The following NTM variants were observed in gnomAD, a reference collection of about 807,000 sequenced individuals.
The protein encoded by NTM is IgLON family member 2.
A neutral mutation model predicts 42.1 loss-of-function variants in NTM; 13 were observed. The ratio of observed to expected loss-of-function variants is 0.31; its 90% CI spans 0.20 to 0.49. The LOEUF is 0.49. Among genes scored for constraint, NTM ranks in the 20% least tolerant of loss-of-function variants. The probability of loss-of-function intolerance (pLI) is 0.99; values close to 1 mark genes in which losing one functional copy is unlikely to be tolerated. For synonymous variants in NTM, 187 were observed against 179.2 expected (o/e 1.04, Z -0.35); for missense variants, 373 against 452.8 (o/e 0.82, Z 1.60).
At chr11:131,902,444 T>C (rs749225269) in intron 1 of NTM, among the ~76,000 whole-genome samples, 7 of 152,200 alleles carry the variant, frequency 4.6e-5, no homozygotes, top group African/African-American at 1.7e-4. Flanking sequence ...CATTTACAAA[T>C]CAAACTTGGT....
intron 1 of NTM, among the ~76,000 whole-genome samples, chr11:131,794,126 G>T (rs1288948894): frequency 6.6e-6 from 1 of 152,166 alleles, no homozygotes; most frequent in Non-Finnish European, 1.5e-5. Flanking sequence ...AGGGAATGAA[G>T]GGGGCTTGGA....
At chr11:132,137,660 G>T (rs112285856) in intron 2 of NTM, among the ~76,000 whole-genome samples, 1 of 152,156 alleles carries the variant, frequency 6.6e-6, no homozygotes, top group Admixed American at 6.5e-5. Flanking sequence ...CTGGGGCCAC[G>T]AACAGGAAGG....
At chr11:131,869,022 C>T (rs867529744) in intron 1 of NTM, among the ~76,000 whole-genome samples, 4 of 152,152 alleles carry the variant, frequency 2.6e-5, no homozygotes, top group Non-Finnish European at 5.9e-5. Context: ...CTGCATTTGA[C>T]GTGGTTTATG....
At chr11:131,817,397 T>G (rs1216944459) in intron 1 of NTM, among the ~76,000 whole-genome samples, 3 of 152,306 alleles carry the variant, frequency 2.0e-5, no homozygotes, top group East Asian at 3.9e-4. Flanking sequence ...GAGTGAGAAT[T>G]TAATGGATAG....
intron 2 of NTM, among the ~76,000 whole-genome samples, chr11:131,975,328 C>T (rs973444985): frequency 6.6e-6 from 1 of 152,052 alleles, no homozygotes; most frequent in East Asian, 1.9e-4. Context: ...TACAGGTGCA[C>T]GCCACCATGC....
intron 4 of NTM, among the ~76,000 whole-genome samples, chr11:132,241,690 A>G (rs1311923084): frequency 6.6e-6 from 1 of 152,240 alleles, no homozygotes; most frequent in Non-Finnish European, 1.5e-5. Context: ...TACTAAAAAT[A>G]TCTGTGATAT....
chr11:131,635,642 A>G (rs932494023), intron 1 of NTM, among the ~76,000 whole-genome samples: 1 of 152,148 alleles, frequency 6.6e-6, no homozygotes, highest in African/African-American at 2.4e-5. Flanking sequence ...TTGAATAAAG[A>G]CTTTTTTATT....
intron 1 of NTM, among the ~76,000 whole-genome samples, chr11:131,881,792 G>T (rs1203526896): frequency 6.6e-6 from 1 of 152,166 alleles, no homozygotes; most frequent in African/African-American, 2.4e-5. Context: ...GGAGTAATGG[G>T]GGAACAGGAC....
chr11:132,258,722 T>G (rs1591580300), intron 4 of NTM, among the ~76,000 whole-genome samples: 1 of 152,334 alleles, frequency 6.6e-6, no homozygotes, highest in African/African-American at 2.4e-5. Context: ...GCCTTTTGTG[T>G]GGCCCACTAT....
chr11:132,095,935 T>C (rs2060927262), intron 2 of NTM, among the ~76,000 whole-genome samples: 2 of 152,118 alleles, frequency 1.3e-5, no homozygotes, highest in African/African-American at 4.8e-5. Flanking sequence ...CACTTTGGAG[T>C]TGATTAGTTC....
chr11:131,401,448 T>C (rs1024444103), intron 1 of NTM, among the ~76,000 whole-genome samples: 5 of 152,128 alleles, frequency 3.3e-5, no homozygotes, highest in African/African-American at 9.7e-5. Context: ...CCTGATTAAA[T>C]GGAACTGTAA....
intron 2 of NTM, among the ~76,000 whole-genome samples, chr11:131,976,656 A>G (rs1310631432): frequency 1.3e-5 from 2 of 152,198 alleles, no homozygotes; most frequent in East Asian, 3.9e-4. Context: ...AATTAATAGT[A>G]AAAATAAAAT....
chr11:131,937,715 C>T (rs7949916), intron 2 of NTM, among the ~76,000 whole-genome samples: 18 of 152,084 alleles, frequency 1.2e-4, no homozygotes, highest in Admixed American at 2.0e-4. Context: ...CTAACTCTAG[C>T]GATAAATTAT....
At chr11:131,653,521 G>A (rs2066778905) in intron 1 of NTM, among the ~76,000 whole-genome samples, 1 of 152,264 alleles carries the variant, frequency 6.6e-6, no homozygotes, top group Non-Finnish European at 1.5e-5. Context: ...CTCAGAGGGA[G>A]GGAGAAATGC....
At chr11:132,176,681 T>G (rs2076857458) in intron 3 of NTM, among the ~76,000 whole-genome samples, 1 of 151,294 alleles carries the variant, frequency 6.6e-6, no homozygotes, top group Admixed American at 6.6e-5. Context: ...TGAGGAAGGA[T>G]TTTAGCCTCT....
chr11:132,187,751 A>T (rs765243069), intron 3 of NTM, among the ~76,000 whole-genome samples: 1 of 152,106 alleles, frequency 6.6e-6, no homozygotes, highest in African/African-American at 2.4e-5. Flanking sequence ...CTGCCTCTGG[A>T]GCTATGACAG....
chr11:131,619,420 C>T (rs1410659356), intron 1 of NTM, among the ~76,000 whole-genome samples: 1 of 152,204 alleles, frequency 6.6e-6, no homozygotes, highest in Admixed American at 6.5e-5. Flanking sequence ...CTAGGACACA[C>T]ACCAAAGGCT....
At chr11:131,439,699 C>T (rs1479194833) in intron 1 of NTM, among the ~76,000 whole-genome samples, 1 of 152,162 alleles carries the variant, frequency 6.6e-6, no homozygotes, top group African/African-American at 2.4e-5. Flanking sequence ...TCCCGTTTTT[C>T]CAGGTACCAT....
rs147152564 is a variant in NTM at position 131,961,914 on chromosome 11, G to A, written c.167+50266G>A. Among the ~76,000 whole-genome samples, 328 of 152,184 alleles carry A rather than the reference G, an allele frequency of 2.2e-3. 2 individuals carry two copies. The highest frequency in any genetic ancestry group is 6.9e-3 in the African/African-American group (287 of 41,534). On this transcript the variant is annotated intron_variant, in intron 2 of 8. Transcript: ENST00000683400. ...TACTGTGTGCCTAGTCTAGGAAGGC[G>A]GACATGTTGCCACATCTAGGATGAT... is the stretch of plus-strand genomic sequence containing the variant.
Sources: gnomAD v4.1 joint callset for allele counts (sites outside exome capture counted in the v4.1 genomes callset) on GRCh38, gnomAD v4.1.1 for gene constraint, MANE v1.5 for transcripts, NCBI Gene and HGNC (gene_info 2026-07-23, HGNC 2026-07-21) for gene names.